FBXO46: variants seen among roughly 807,000 people sequenced by gnomAD.
FBXO46 encodes F-box only protein 46.
In FBXO46, 13 loss-of-function variants were observed where a neutral mutation model predicts 30.7. The observed-to-expected ratio is 0.42, with a 90% CI of 0.28 to 0.67. The LOEUF (loss-of-function observed/expected upper bound fraction) is 0.67, where lower values mean the gene tolerates loss of function less well. Ranked by LOEUF, FBXO46 falls within the 30% of genes least tolerant of loss-of-function variation. The pLI is 0.21. For synonymous variants in FBXO46, 467 were observed against 385.8 expected (o/e 1.21, Z -2.47); for missense variants, 754 against 871.5 (o/e 0.87, Z 1.70).
intron 1 of FBXO46, among the ~76,000 whole-genome samples, chr19:45,717,722 C>T (rs1387232522): frequency 6.8e-6 from 1 of 146,948 alleles, no homozygotes; most frequent in Non-Finnish European, 1.5e-5. Context: ...TTAAGAACAC[C>T]AAGGCGGAAG....
Position 45,711,894 on chromosome 19 carries a change from G to C in FBXO46, c.1602C>G (p.Arg534=), listed in dbSNP as rs1022467738. The change falls in exon 2 of 2, where the codon CGC becomes CGG. Residue 534 remains arginine, a synonymous_variant. Transcript: ENST00000317683. ...LYRDDPCKQC[R]KRYEKGDVSL... Reference sequence around the variant, plus strand: ...ACACGTCGCCCTTCTCGTATCTCTTGCGGCACTGTTTGCACGGATCATCGC... The same window carrying C: ...ACACGTCGCCCTTCTCGTATCTCTTCCGGCACTGTTTGCACGGATCATCGC... 6.2e-7 allele frequency: 1 copy of C among 1,613,784 alleles called. No homozygotes were observed.
rs1224620403 is a variant in FBXO46 at position 45,713,525 on chromosome 19, T to C, written c.-30A>G. ...GGGGATGATGGCAGACAGGCTGGGCTTCAGCGCATCTCAGGACCTAGGTGG... is the reference window on the plus strand; with the variant it reads ...GGGGATGATGGCAGACAGGCTGGGCCTCAGCGCATCTCAGGACCTAGGTGG... On this transcript the variant is annotated 5_prime_UTR_variant, in exon 2 of 2. Coordinates refer to ENST00000317683, the MANE Select transcript of FBXO46 (RefSeq NM_001080469.2). The surrounding 1 kb of genome is among the most constrained non-coding windows in gnomAD (Gnocchi z 4.7). The C allele has an allele frequency of 2.6e-6, 4 of 1,516,178 alleles. No individual in the cohort carries two copies. The highest frequency in any genetic ancestry group is 1.4e-5 in the African/African-American group (1 of 72,364). The allele number at this position is 1,516,178 out of a possible 1,614,324, so 93.9% of individuals were successfully genotyped here.
intron 1 of FBXO46, among the ~76,000 whole-genome samples, chr19:45,727,189 C>T (rs1968251221): frequency 6.6e-6 from 1 of 151,288 alleles, no homozygotes; most frequent in Non-Finnish European, 1.5e-5. Flanking sequence ...GTGGAAGTTG[C>T]AGTGAGCCAA....
chr19:45,723,106 ACT>A (rs1355831014), intron 1 of FBXO46, among the ~76,000 whole-genome samples: 1 of 151,708 alleles, frequency 6.6e-6, no homozygotes. Context: ...GTGGGTGGTG[ACT>A]CATGCCTTAA....
In FBXO46 at chr19:45,723,677, T is replaced by G. The variant is rs539057861; in HGVS notation, c.-79+7172A>C. 1.7e-4 allele frequency among the ~76,000 whole-genome samples: 26 copies of G among 152,270 alleles called. No homozygotes were observed. In the East Asian group the frequency reaches 4.6e-3, roughly 27 times the overall value. On this transcript the variant is annotated intron_variant, in intron 1 of 1. Coordinates refer to ENST00000317683, the MANE Select transcript of FBXO46 (RefSeq NM_001080469.2). ...CCCAACTAATTCTTCTTTTTTTTTC[T>G]TAGACGCAGTCTCACTCTGTCACCC...
At position 45,713,580 on chromosome 19, in the gene FBXO46, A is replaced by G. The variant is rs1968037822; in HGVS notation, c.-78-7T>C. ...GGGAGGCTCCACATGCCACCTGGAG[A>G]CACGAAGAGGAGGTTGGGGAGCTAG... On this transcript the variant is annotated splice_region_variant and splice_polypyrimidine_tract_variant and intron_variant, in intron 1 of 1. Transcript: ENST00000317683. This position sits in a 1 kb window ranked among gnomAD's most constrained non-coding sequence, Gnocchi z 4.7. 4.3e-6 allele frequency: 5 copies of G among 1,155,880 alleles called. No individual in the cohort carries two copies. The highest frequency in any genetic ancestry group is 2.5e-5 in the East Asian group (1 of 39,480). 71.6% of individuals were successfully genotyped at this position (1,155,880 alleles called of 1,614,324 possible). A position where few individuals can be genotyped will look rare whatever the true frequency, so the allele number is the denominator to read the frequency against.
At chr19:45,729,635 T>C (rs1018020214) in intron 1 of FBXO46, among the ~76,000 whole-genome samples, 6 of 152,238 alleles carry the variant, frequency 3.9e-5, no homozygotes, top group African/African-American at 1.4e-4. Context: ...TAATGCTGGA[T>C]AGCCTTGGGA....
intron 1 of FBXO46, among the ~76,000 whole-genome samples, chr19:45,726,696 T>A (rs989746720): frequency 2.0e-5 from 3 of 151,754 alleles, no homozygotes; most frequent in Non-Finnish European, 4.4e-5. Context: ...TTGCCCAAGC[T>A]GATTTCAAAC....
chr19:45,722,104 C>T (rs1311802548), intron 1 of FBXO46, among the ~76,000 whole-genome samples: 1 of 152,148 alleles, frequency 6.6e-6, no homozygotes, highest in African/African-American at 2.4e-5. Context: ...AGGCATGATG[C>T]ACCGCGCCCG....
Position 45,717,922 on chromosome 19 carries a change from G to A in FBXO46, c.-78-4349C>T, listed in dbSNP as rs147730769. ...TCTAGGCCTGGCGTTCAAGGCTCAA[G>A]CCGTGTAGCCATTCGGAGCTGCCAG... is the stretch of plus-strand genomic sequence containing the variant. On this transcript the variant is annotated intron_variant, in intron 1 of 1. Coordinates refer to ENST00000317683, the MANE Select transcript of FBXO46 (RefSeq NM_001080469.2). 5.1e-3 allele frequency among the ~76,000 whole-genome samples: 782 copies of A among 152,290 alleles called. 8 individuals carry two copies. The highest frequency in any genetic ancestry group is 0.018 in the African/African-American group (743 of 41,546).
At chr19:45,716,540 A>G (rs1475117450) in intron 1 of FBXO46, 2 of 152,180 alleles carry the variant, frequency 1.3e-5, no homozygotes, top group Non-Finnish European at 2.9e-5. Flanking sequence ...AAACTATGTC[A>G]TAAACAATCA....
At chr19:45,727,933 T>A (rs1241139598) in intron 1 of FBXO46, among the ~76,000 whole-genome samples, 1 of 152,158 alleles carries the variant, frequency 6.6e-6, no homozygotes, top group Non-Finnish European at 1.5e-5. Flanking sequence ...GGGGACACAC[T>A]GAGTTTCCTT....
At chr19:45,719,748 C>T (rs1260862276) in intron 1 of FBXO46, among the ~76,000 whole-genome samples, 2 of 152,216 alleles carry the variant, frequency 1.3e-5, no homozygotes, top group Non-Finnish European at 2.9e-5. Flanking sequence ...ACACAGGTGA[C>T]ACTGAGCTCC....
chr19:45,732,127 AAAAG>A (rs1968325338), upstream of FBXO46, among the ~76,000 whole-genome samples: 1 of 151,854 alleles, frequency 6.6e-6, no homozygotes, highest in African/African-American at 2.4e-5. Context: ...AAAAAAAAAA[AAAAG>A]AAGAAGAAGA....
intron 1 of FBXO46, chr19:45,714,994 A>C (rs1293563621): frequency 6.6e-6 from 1 of 152,178 alleles, no homozygotes; most frequent in Non-Finnish European, 1.5e-5. Context: ...CAGAGTGGGG[A>C]AGGGTGACAT....
chr19:45,722,959 C>T (rs901451509), intron 1 of FBXO46, among the ~76,000 whole-genome samples: 10 of 152,100 alleles, frequency 6.6e-5, no homozygotes, highest in African/African-American at 2.4e-4. Flanking sequence ...GAGGCAAAGG[C>T]AGGAGAATCG....
intron 1 of FBXO46, among the ~76,000 whole-genome samples, chr19:45,722,221 C>T (rs74632521): frequency 0.03 from 4,551 of 152,196 alleles, 215 homozygotes; most frequent in African/African-American, 0.1. Flanking sequence ...GGGTCCCCTC[C>T]CTTTTAAGTT....
chr19:45,713,616 T>C lies in FBXO46; in HGVS notation c.-78-43A>G. ...AGGTTGGGGAGCTAGGGGGACAGCCTTTCTTCCCAGGACCACCCCAACCTC... is the reference window on the plus strand; with the variant it reads ...AGGTTGGGGAGCTAGGGGGACAGCCCTTCTTCCCAGGACCACCCCAACCTC... On this transcript the variant is annotated intron_variant, in intron 1 of 1. Coordinates refer to ENST00000317683, the MANE Select transcript of FBXO46 (RefSeq NM_001080469.2). This position sits in a 1 kb window ranked among gnomAD's most constrained non-coding sequence, Gnocchi z 4.7. 2.4e-6 allele frequency: 2 copies of C among 818,030 alleles called. No individual in the cohort carries two copies. The highest frequency in any genetic ancestry group is 3.8e-6 in the Non-Finnish European group (2 of 526,100). 50.7% of individuals were successfully genotyped at this position (818,030 alleles called of 1,614,324 possible). A position where few individuals can be genotyped will look rare whatever the true frequency, so the allele number is the denominator to read the frequency against.
At chr19:45,728,390 AAAC>A (rs1968266079) in intron 1 of FBXO46, among the ~76,000 whole-genome samples, 1 of 152,166 alleles carries the variant, frequency 6.6e-6, no homozygotes, top group South Asian at 2.1e-4. Context: ...TGACATTCAA[AAAC>A]AACAACTCAC....
Sources: gnomAD v4.1 joint callset for allele counts (sites outside exome capture counted in the v4.1 genomes callset) on GRCh38, gnomAD v4.1.1 for gene constraint, Gnocchi (gnomAD v3.1) non-coding constraint, MANE v1.5 for transcripts, NCBI Gene and HGNC (gene_info 2026-07-23, HGNC 2026-07-21) for gene names.